DDX6: variants seen among roughly 807,000 people sequenced by gnomAD.
DDX6 encodes probable ATP-dependent RNA helicase DDX6.
DDX6 carries 7 observed loss-of-function variants against 60.6 expected under a neutral mutation model. That is an observed-to-expected ratio of 0.12 (90% CI 0.07 to 0.22). DDX6 has a LOEUF of 0.22. Ranked by LOEUF, DDX6 falls within the 10% of genes least tolerant of loss-of-function variation. The probability of loss-of-function intolerance (pLI) is 1.00; values close to 1 mark genes in which losing one functional copy is unlikely to be tolerated. For missense variants in DDX6, 270 were observed against 589.9 expected (o/e 0.46, Z 5.62); for synonymous variants, 207 against 201.0 (o/e 1.03, Z -0.25).
At chr11:118,764,249 T>C (rs1338492746) in intron 6 of DDX6, among the ~76,000 whole-genome samples, 2 of 152,218 alleles carry the variant, frequency 1.3e-5, no homozygotes, top group Non-Finnish European at 2.9e-5. Context: ...TTTATATGAG[T>C]GATCTCATTC....
chr11:118,778,450 A>T (rs1021991423), intron 4 of DDX6, among the ~76,000 whole-genome samples: 1 of 152,180 alleles, frequency 6.6e-6, no homozygotes, highest in African/African-American at 2.4e-5. Context: ...CAAATTGCTA[A>T]ATGTCCCCTG....
intron 4 of DDX6, among the ~76,000 whole-genome samples, chr11:118,778,367 G>A (rs545368296): frequency 6.6e-6 from 1 of 152,168 alleles, no homozygotes; most frequent in East Asian, 1.9e-4. Flanking sequence ...TGACATTTTG[G>A]GCCACAAAAT....
chr11:118,790,784 T>A (rs1363490018), intron 1 of DDX6: 1 of 137,576 alleles, frequency 7.3e-6, no homozygotes, highest in East Asian at 2.2e-4. Context: ...CGCCCGAGAG[T>A]CCCCCAGAGC....
intron 4 of DDX6, among the ~76,000 whole-genome samples, chr11:118,768,669 C>T (rs1861433750): frequency 6.6e-6 from 1 of 152,002 alleles, no homozygotes; most frequent in South Asian, 2.1e-4. Context: ...CCATAAATAG[C>T]ACTTGAAAAT....
In DDX6 at chr11:118,747,888, CAACAAA is replaced by C. The variant is rs1860611649; in HGVS notation, c.*4211_*4216del. Reference sequence around the variant, plus strand: ...TGCGTACATACAACATAACACATCCCAACAAAAACAGAGCCCCCCCCCCCCCCACTG... The same window carrying C: ...TGCGTACATACAACATAACACATCCCAACAGAGCCCCCCCCCCCCCCACTG... On this transcript the variant is annotated 3_prime_UTR_variant, in exon 14 of 14. Coordinates refer to ENST00000534980, the MANE Select transcript of DDX6 (RefSeq NM_004397.6). The C allele has an allele frequency of 8.0e-6, 1 of 125,726 alleles. No individual in the cohort carries two copies. The highest frequency in any genetic ancestry group is 2.6e-4 in the South Asian group (1 of 3,788). The allele number at this position is 125,726 out of a possible 1,614,324, so 7.8% of individuals were successfully genotyped here.
chr11:118,781,851 C>T (rs1437366107), intron 2 of DDX6, among the ~76,000 whole-genome samples: 1 of 151,824 alleles, frequency 6.6e-6, no homozygotes, highest in Non-Finnish European at 1.5e-5. Flanking sequence ...TCACTTGAAC[C>T]TGGGAGGCGG....
intron 7 of DDX6, among the ~76,000 whole-genome samples, chr11:118,760,943 A>G (rs1326030578): frequency 6.6e-6 from 1 of 151,668 alleles, no homozygotes; most frequent in African/African-American, 2.4e-5. Context: ...AGTTCAAGAC[A>G]AGACTGGTTG....
At chr11:118,765,112 GTTCC>G in intron 6 of DDX6, 93 bp downstream of exon 6, 1 of 1,430,394 alleles carries the variant, frequency 7.0e-7, no homozygotes, top group East Asian at 2.3e-5. Flanking sequence ...CAGTATTTCT[GTTCC>G]TTAATTCTTA....
chr11:118,779,855 C>T (rs1162145656), intron 3 of DDX6, 119 bp from the exon 4 acceptor site: 2 of 695,906 alleles, frequency 2.9e-6, no homozygotes, highest in Non-Finnish European at 4.8e-6. Context: ...GTGGCTCATG[C>T]CTGTAATCCC....
chr11:118,754,548 C>T, intron 13 of DDX6, 157 bp downstream of exon 13: 1 of 594,438 alleles, frequency 1.7e-6, no homozygotes. Context: ...GAGACTACAA[C>T]CTCCCACAAG....
chr11:118,756,164 G>A (rs983739844), intron 11 of DDX6, 96 bp downstream of exon 11: 1 of 895,790 alleles, frequency 1.1e-6, no homozygotes, highest in Non-Finnish European at 1.8e-6. Context: ...GGGTGTGTCG[G>A]ACTATGTCAC....
intron 4 of DDX6, among the ~76,000 whole-genome samples, chr11:118,770,969 G>A (rs1308683150): frequency 6.6e-6 from 1 of 152,016 alleles, no homozygotes; most frequent in African/African-American, 2.4e-5. Flanking sequence ...GCTTATTAAG[G>A]TAAAGCAAAC....
At chr11:118,770,620 T>C (rs1303536969) in intron 4 of DDX6, among the ~76,000 whole-genome samples, 3 of 152,162 alleles carry the variant, frequency 2.0e-5, no homozygotes, top group African/African-American at 7.2e-5. Context: ...CTGGGAACGA[T>C]GGCTCATGTC....
chr11:118,775,943 C>G (rs1555163536), intron 4 of DDX6, among the ~76,000 whole-genome samples: 1 of 152,002 alleles, frequency 6.6e-6, no homozygotes. Flanking sequence ...CCAGCCTGGT[C>G]AACATGGCAA....
intron 4 of DDX6, among the ~76,000 whole-genome samples, chr11:118,777,614 G>A (rs1437697980): frequency 2.0e-5 from 3 of 152,062 alleles, no homozygotes; most frequent in Admixed American, 2.0e-4. Flanking sequence ...AAGGGGCCGG[G>A]TACGATGGCT....
chr11:118,787,117 CTT>C (rs1164593523), intron 1 of DDX6: 2 of 152,126 alleles, frequency 1.3e-5, no homozygotes, highest in Admixed American at 1.3e-4. Context: ...CGGGCGATCT[CTT>C]GAGGTCAGGA....
intron 13 of DDX6, among the ~76,000 whole-genome samples, chr11:118,753,776 T>TA (rs1860867453): frequency 6.6e-6 from 1 of 152,144 alleles, no homozygotes; most frequent in Non-Finnish European, 1.5e-5. Context: ...ATTTTACATT[T>TA]TCAGAAATGT....
At chr11:118,768,071 C>A in intron 5 of DDX6, 152 bp downstream of exon 5, 3 of 675,872 alleles carry the variant, frequency 4.4e-6, no homozygotes, top group South Asian at 2.5e-5. Flanking sequence ...ATAAAAAGAC[C>A]ATCATCAGGC....
Position 118,758,464 on chromosome 11 carries a change from C to T in DDX6, c.993+310G>A, listed in dbSNP as rs149572823. 8.5e-5 allele frequency among the ~76,000 whole-genome samples: 13 copies of T among 152,270 alleles called. No homozygotes were observed. In the East Asian group the frequency reaches 2.5e-3, roughly 29 times the overall value. Reference sequence around the variant, plus strand: ...TCTCAGCTCACTGCAGCCTCCGCCTCCTGGGTTCAAGCAATTCTCCTGCCT... The same window carrying T: ...TCTCAGCTCACTGCAGCCTCCGCCTTCTGGGTTCAAGCAATTCTCCTGCCT... On this transcript the variant is annotated intron_variant, in intron 9 of 13. Coordinates refer to ENST00000534980, the MANE Select transcript of DDX6 (RefSeq NM_004397.6).
Sources: allele counts gnomAD v4.1 joint callset (sites outside exome capture counted in the v4.1 genomes callset), GRCh38; gene constraint gnomAD v4.1.1; transcripts MANE v1.5; gene names NCBI Gene and HGNC (gene_info 2026-07-23, HGNC 2026-07-21).